Variants in SLC28A3 observed in about 807,000 individuals in gnomAD.
SLC28A3 encodes the protein concentrative Na(+)-nucleoside cotransporter 3.
Under a neutral mutation model 84.2 loss-of-function variants are expected in SLC28A3, and 68 were observed. That is an observed-to-expected ratio of 0.81 (90% confidence interval 0.66 to 0.99). SLC28A3 has a LOEUF of 0.99. SLC28A3 is among the 50% of genes least tolerant of loss of function. The pLI, the probability that SLC28A3 is intolerant of heterozygous loss-of-function variation, is 0.00. For missense variants in SLC28A3, 712 were observed against 841.5 expected, an observed-to-expected ratio of 0.85 and a Z score of 1.90; for synonymous variants, 267 against 303.6, an observed-to-expected ratio of 0.88 and a Z score of 1.25.
chr9:84,323,705 G>A (rs1826457059), intron 1 of SLC28A3, among the ~76,000 whole-genome samples: 1 of 151,986 alleles, frequency 6.6e-6, no homozygotes, highest in Admixed American at 6.6e-5. Context: ...TTACAGGCAT[G>A]AGAAAGAAAA....
chr9:84,301,598 A>C (rs1825639642), intron 5 of SLC28A3, among the ~76,000 whole-genome samples: 1 of 152,220 alleles, frequency 6.6e-6, no homozygotes, highest in Non-Finnish European at 1.5e-5. Flanking sequence ...AATTGTAAAG[A>C]GAATGGGTAC....
chr9:84,305,406 A>C lies in SLC28A3; in HGVS notation c.243-61T>G, dbSNP rs12337391. ...ACACCAAAAACATGAAATAAACTGC[A>C]TGGTGAGGCTAGATTAAGCTTTGTA... On this transcript the variant is annotated intron_variant, in intron 3 of 17. Coordinates refer to ENST00000376238, the MANE Select transcript of SLC28A3 (RefSeq NM_001199633.2). 3,857 of 1,350,230 alleles carry C rather than the reference A, an allele frequency of 2.9e-3. 96 individuals carry two copies. In the African/African-American group the frequency reaches 0.05, roughly 18 times the overall value. 83.6% of individuals were successfully genotyped at this position (1,350,230 alleles called of 1,614,324 possible).
In SLC28A3 at chr9:84,285,995, G is replaced by A. The variant is rs1329978381; in HGVS notation, c.1397C>T (p.Ser466Leu). Residue 466 changes from serine to leucine, a missense_variant, in exon 13 of 18, where the codon TCA becomes TTA. Ser to Leu is a moderately radical substitution (Grantham distance 145). Coordinates refer to ENST00000376238, the MANE Select transcript of SLC28A3 (RefSeq NM_001199633.2). ...CATGTTTCCAAACCAGGACAGGGCT[G>A]AATTCATAAAAGACAGCAGGGCCAG... ...AFLALLSFMN[S>L]ALSWFGNMFD... 1 of 1,614,094 alleles carries A rather than the reference G, an allele frequency of 6.2e-7. No homozygotes were observed. The highest frequency in any genetic ancestry group is 8.5e-7 in the Non-Finnish European group (1 of 1,180,000).
intron 11 of SLC28A3, 181 bp downstream of exon 11, chr9:84,289,973 G>T: frequency 1.7e-6 from 1 of 578,778 alleles, no homozygotes; most frequent in Non-Finnish European, 2.9e-6. Context: ...GGTATATGAA[G>T]CCCTGAAACT....
chr9:84,308,960 G>A (rs970496205), intron 3 of SLC28A3, among the ~76,000 whole-genome samples: 3 of 152,198 alleles, frequency 2.0e-5, no homozygotes, highest in Admixed American at 2.0e-4. Context: ...ATTGGGTTTT[G>A]AGCGATCAAT....
the SLC28A3 span, among the ~76,000 whole-genome samples, chr9:84,346,378 G>A: frequency 6.6e-6 from 1 of 152,160 alleles, no homozygotes; most frequent in Non-Finnish European, 1.5e-5. Context: ...GTCACTCTTG[G>A]TGACGGTATT....
At chr9:84,287,985 G>T in intron 12 of SLC28A3, 63 bp downstream of exon 12, 1 of 1,601,806 alleles carries the variant, frequency 6.2e-7, no homozygotes, top group South Asian at 1.1e-5. Context: ...GCTGTACATT[G>T]ACTCCTGGAG....
At chr9:84,317,610 A>G (rs1826218616) in intron 1 of SLC28A3, among the ~76,000 whole-genome samples, 1 of 152,048 alleles carries the variant, frequency 6.6e-6, no homozygotes, top group Admixed American at 6.5e-5. Flanking sequence ...CTGCAGAGGT[A>G]CCACCACTGT....
chr9:84,292,649 T>C lies in SLC28A3; in HGVS notation c.1023+19A>G. ...ATCCATTTCAACAGATGTTTTGTTC[T>C]GTTGATATTACAACTTACTTGTCCA... On this transcript the variant is annotated intron_variant, in intron 10 of 17. Transcript: ENST00000376238. The C allele has an allele frequency of 6.3e-7, 1 of 1,582,918 alleles. No homozygotes were observed. The highest frequency in any genetic ancestry group is 8.6e-7 in the Non-Finnish European group (1 of 1,157,626).
chr9:84,367,171 C>T, the SLC28A3 span, among the ~76,000 whole-genome samples: 30 of 152,258 alleles, frequency 2.0e-4, no homozygotes, highest in Middle Eastern at 3.4e-3. Context: ...CCGCAGGCCA[C>T]GGGGAGTACT....
intron 8 of SLC28A3, among the ~76,000 whole-genome samples, chr9:84,296,851 A>G (rs1456795852): frequency 6.6e-6 from 1 of 152,238 alleles, no homozygotes; most frequent in African/African-American, 2.4e-5. Flanking sequence ...CCCATCAGCC[A>G]TTCACTGCCA....
chr9:84,288,851 T>C (rs1825100412), intron 11 of SLC28A3, among the ~76,000 whole-genome samples: 1 of 152,092 alleles, frequency 6.6e-6, no homozygotes, highest in South Asian at 2.1e-4. Context: ...CCAGCCTCAT[T>C]ACATCATTTT....
Position 84,340,503 on chromosome 9 carries a change from T to A in SLC28A3, c.60+71A>T. ...TAATCTCCCTGCTTAGGTAAGAAAC[T>A]TGCCAAGGGGCTAAGGAAAGGGCAG... On this transcript the variant is annotated intron_variant, in intron 1 of 17. Coordinates refer to ENST00000376238, the MANE Select transcript of SLC28A3 (RefSeq NM_001199633.2). The A allele has an allele frequency of 2.0e-6, 3 of 1,533,826 alleles. No homozygotes were observed. The Admixed American group carries it at 5.0e-5, about 26-fold the overall frequency.
chr9:84,288,988 C>A (rs1229193880), intron 11 of SLC28A3, among the ~76,000 whole-genome samples: 3 of 152,176 alleles, frequency 2.0e-5, no homozygotes, highest in Non-Finnish European at 4.4e-5. Flanking sequence ...ACACAATCTT[C>A]ATTGATCTGG....
chr9:84,299,878 C>T (rs1489131429), intron 5 of SLC28A3, among the ~76,000 whole-genome samples, 153 bp from the exon 6 acceptor site: 5 of 152,040 alleles, frequency 3.3e-5, no homozygotes, highest in African/African-American at 1.2e-4. Flanking sequence ...CTGCAACCTC[C>T]ACTTCCCGGG....
chr9:84,339,370 C>T (rs1234584777), intron 1 of SLC28A3, among the ~76,000 whole-genome samples: 2 of 152,114 alleles, frequency 1.3e-5, no homozygotes, highest in East Asian at 3.9e-4. Flanking sequence ...CTGCCTCGGC[C>T]TCCCGAGTAG....
At chr9:84,327,117 C>A (rs543456974) in intron 1 of SLC28A3, among the ~76,000 whole-genome samples, 3 of 152,284 alleles carry the variant, frequency 2.0e-5, no homozygotes, top group African/African-American at 4.8e-5. Flanking sequence ...GGGCATCTCT[C>A]TTGGGACCCT....
At chr9:84,337,441 T>C (rs921901480) in intron 1 of SLC28A3, among the ~76,000 whole-genome samples, 2 of 150,904 alleles carry the variant, frequency 1.3e-5, no homozygotes, top group African/African-American at 2.5e-5. Flanking sequence ...CCTGTGTGTG[T>C]GCGCGCGCGT....
At chr9:84,320,017 C>T (rs1383643143) in intron 1 of SLC28A3, among the ~76,000 whole-genome samples, 1 of 140,334 alleles carries the variant, frequency 7.1e-6, no homozygotes, top group Non-Finnish European at 1.5e-5. Context: ...CTTATGTTTA[C>T]TCATTCCAGC....
Sources: allele counts gnomAD v4.1 joint callset (sites outside exome capture counted in the v4.1 genomes callset), GRCh38; gene constraint gnomAD v4.1.1; transcripts MANE v1.5; gene names NCBI Gene and HGNC (gene_info 2026-07-23, HGNC 2026-07-21).